TPRG1: variants seen among roughly 807,000 people sequenced by gnomAD.
TPRG1 encodes tumor protein p63 regulated 1, also known as tumor protein p63-regulated gene 1 protein.
A neutral mutation model predicts 29.3 loss-of-function variants in TPRG1; 29 were observed. The observed-to-expected ratio is 0.99, with a 90% CI of 0.74 to 1.35. The LOEUF (loss-of-function observed/expected upper bound fraction) is 1.35, where lower values mean the gene tolerates loss of function less well. Ranked by LOEUF, TPRG1 falls within the 40% of genes most tolerant of loss-of-function variation. TPRG1 has a pLI of 0.00. For synonymous variants in TPRG1, 130 were observed against 116.8 expected, an observed-to-expected ratio of 1.11 and a Z score of -0.73; for missense variants, 327 against 335.0, an observed-to-expected ratio of 0.98 and a Z score of 0.19.
At chr3:189,201,116 T>C (rs1733414940) in intron 1 of TPRG1, among the ~76,000 whole-genome samples, 1 of 152,188 alleles carries the variant, frequency 6.6e-6, no homozygotes, top group South Asian at 2.1e-4. Context: ...GCCTTGATCT[T>C]GGATTAACCA....
intron 3 of TPRG1, among the ~76,000 whole-genome samples, chr3:189,144,363 A>G (rs1479840831): frequency 1.3e-5 from 2 of 152,198 alleles, no homozygotes; most frequent in Admixed American, 6.5e-5. Context: ...GGGTTTAGGA[A>G]TATTTAGCCA....
chr3:189,238,463 T>G (rs1193394865), intron 3 of TPRG1, among the ~76,000 whole-genome samples: 1 of 152,186 alleles, frequency 6.6e-6, no homozygotes, highest in Non-Finnish European at 1.5e-5. Flanking sequence ...ACACACTGGG[T>G]ATTCCCCTAA....
chr3:189,187,788 A>G (rs1731148726), intron 1 of TPRG1, among the ~76,000 whole-genome samples: 1 of 152,214 alleles, frequency 6.6e-6, no homozygotes, highest in Non-Finnish European at 1.5e-5. Context: ...ATGCTGGTCT[A>G]TTTTGTGATA....
intron 3 of TPRG1, among the ~76,000 whole-genome samples, chr3:189,017,114 C>T (rs935517560): frequency 2.6e-5 from 4 of 151,430 alleles, no homozygotes; most frequent in South Asian, 4.2e-4. Flanking sequence ...TCCCATATTT[C>T]TTGGACATTT....
chr3:189,007,953 C>T (rs898521190), intron 3 of TPRG1, among the ~76,000 whole-genome samples: 7 of 146,408 alleles, frequency 4.8e-5, no homozygotes, highest in South Asian at 2.2e-4. Flanking sequence ...TGCTAGATGA[C>T]GAGTTAGCGG....
intron 4 of TPRG1, among the ~76,000 whole-genome samples, chr3:189,260,782 C>G (rs568950835): frequency 6.6e-6 from 1 of 152,168 alleles, no homozygotes; most frequent in Admixed American, 6.5e-5. Context: ...GCAGCAACTA[C>G]CATCTGCCTC....
chr3:189,018,190 C>T (rs1402733677), intron 3 of TPRG1, among the ~76,000 whole-genome samples: 1 of 148,692 alleles, frequency 6.7e-6, no homozygotes, highest in African/African-American at 2.5e-5. Context: ...TGCCTGTTCA[C>T]TCTGATGGTA....
chr3:189,156,673 G>A (rs1357778604), intron 5 of TPRG1, among the ~76,000 whole-genome samples: 1 of 152,174 alleles, frequency 6.6e-6, no homozygotes, highest in Non-Finnish European at 1.5e-5. Flanking sequence ...CTGGTCAGAT[G>A]AGTATGTCCA....
At chr3:189,234,881 T>C (rs373229007) in intron 3 of TPRG1, among the ~76,000 whole-genome samples, 13 of 152,300 alleles carry the variant, frequency 8.5e-5, no homozygotes, top group Admixed American at 5.2e-4. Context: ...AGAAGACAAG[T>C]AGCCACAGAG....
At chr3:189,031,810 T>A (rs1713949438) in intron 4 of TPRG1, among the ~76,000 whole-genome samples, 1 of 152,122 alleles carries the variant, frequency 6.6e-6, no homozygotes, top group South Asian at 2.1e-4. Context: ...AAAAAGTGTT[T>A]CCTAAACAAA....
At chr3:189,272,721 T>TTTCTTTCTTTCTTTC (rs1715413381) in intron 4 of TPRG1, among the ~76,000 whole-genome samples, 3 of 100,684 alleles carry the variant, frequency 3.0e-5, no homozygotes, top group African/African-American at 1.4e-4. Context: ...TTCTCCTTCC[T>TTTCTTTCTTTCTTTC]TCCTTCCTTC....
In TPRG1 at chr3:189,157,686, C is replaced by T. The variant is rs191505062; in HGVS notation, c.-10+6814C>T. Among the ~76,000 whole-genome samples, 460 of 152,244 alleles carry T rather than the reference C, an allele frequency of 3.0e-3. 7 individuals carry two copies. The highest frequency in any genetic ancestry group is 0.026 in the Admixed American group (403 of 15,282). ...CCTTGACCCTCCCGAAGGAAGTTTC[C>T]ATGAAAATAAAACACAAGCAGAACA... On this transcript the variant is annotated intron_variant, in intron 5 of 6. Coordinates refer to the TPRG1 transcript ENST00000412373.
At chr3:189,065,542 A>G (rs569231468) in intron 4 of TPRG1, among the ~76,000 whole-genome samples, 11 of 152,228 alleles carry the variant, frequency 7.2e-5, no homozygotes, top group Non-Finnish European at 1.3e-4. Flanking sequence ...GTAATATACC[A>G]TGTCCAAAAG....
At chr3:189,190,084 A>G (rs908530036) in intron 1 of TPRG1, among the ~76,000 whole-genome samples, 2 of 152,230 alleles carry the variant, frequency 1.3e-5, no homozygotes, top group South Asian at 2.1e-4. Flanking sequence ...AATGTCACCA[A>G]TGAAGTTCTT....
intron 3 of TPRG1, among the ~76,000 whole-genome samples, chr3:189,137,969 A>G (rs935464978): frequency 2.0e-5 from 3 of 152,190 alleles, no homozygotes; most frequent in Admixed American, 6.5e-5. Flanking sequence ...ATAGACAAAA[A>G]TAGAAAGGAA....
chr3:189,184,355 T>C (rs1212959783), intron 1 of TPRG1, among the ~76,000 whole-genome samples: 1 of 152,228 alleles, frequency 6.6e-6, no homozygotes, highest in Non-Finnish European at 1.5e-5. Context: ...TTGTCAATAT[T>C]GGTATCCTTT....
At chr3:189,083,415 A>G (rs1198152441) in intron 4 of TPRG1, among the ~76,000 whole-genome samples, 1 of 152,204 alleles carries the variant, frequency 6.6e-6, no homozygotes, top group African/African-American at 2.4e-5. Flanking sequence ...TGCATACTCT[A>G]TCTGATCGAC....
At chr3:189,103,437 G>A (rs1333459655) in intron 1 of TPRG1, among the ~76,000 whole-genome samples, 1 of 152,186 alleles carries the variant, frequency 6.6e-6, no homozygotes, top group Non-Finnish European at 1.5e-5. Flanking sequence ...CAGAGGAGGA[G>A]TGTCAAGGGA....
intron 1 of TPRG1, among the ~76,000 whole-genome samples, chr3:189,105,445 T>G (rs929192696): frequency 6.6e-6 from 1 of 152,098 alleles, no homozygotes; most frequent in Non-Finnish European, 1.5e-5. Context: ...TAGCTCTTTT[T>G]CATGCATTGA....
Sources: gnomAD v4.1 joint callset for allele counts (sites outside exome capture counted in the v4.1 genomes callset) on GRCh38, gnomAD v4.1.1 for gene constraint, MANE v1.5 for transcripts, NCBI Gene and HGNC (gene_info 2026-07-23, HGNC 2026-07-21) for gene names.